PPP1CB: variants seen among roughly 807,000 people sequenced by gnomAD.
The protein encoded by PPP1CB is serine/threonine-protein phosphatase PP1-beta catalytic subunit.
In PPP1CB, 2 loss-of-function variants were observed where a neutral mutation model predicts 43.7. The ratio of observed to expected loss-of-function variants is 0.05; its 90% CI spans 0.02 to 0.14. The LOEUF is 0.14. Ranked by LOEUF, PPP1CB falls within the 10% of genes least tolerant of loss-of-function variation. PPP1CB has a pLI of 1.00. For missense variants in PPP1CB, 84 were observed against 398.0 expected (o/e 0.21, Z 6.71); for synonymous variants, 136 against 135.6 (o/e 1.00, Z -0.02).
At chr2:28,753,579 T>G (rs557095394) in intron 1 of PPP1CB, among the ~76,000 whole-genome samples, 1 of 152,288 alleles carries the variant, frequency 6.6e-6, no homozygotes, top group South Asian at 2.1e-4. Flanking sequence ...ACCTAAGACT[T>G]TGTTTCAGAT....
At chr2:28,788,614 T>C in intron 5 of PPP1CB, 44 bp from the exon 6 acceptor site, 1 of 1,580,692 alleles carries the variant, frequency 6.3e-7, no homozygotes, top group Non-Finnish European at 8.7e-7. Context: ...ATTCTATAAA[T>C]CTGTAAATTT....
At chr2:28,760,071 C>T (rs913206769) in intron 1 of PPP1CB, among the ~76,000 whole-genome samples, 17 of 152,044 alleles carry the variant, frequency 1.1e-4, no homozygotes, top group African/African-American at 3.4e-4. Context: ...GATGTGGAGG[C>T]GGAATATAGT....
chr2:28,759,994 A>G (rs1241501813), intron 1 of PPP1CB, among the ~76,000 whole-genome samples: 1 of 152,132 alleles, frequency 6.6e-6, no homozygotes, highest in East Asian at 1.9e-4. Flanking sequence ...TCCAGGAAAA[A>G]AAGCTTCGTT....
chr2:28,800,836 G>A lies in PPP1CB; in HGVS notation c.*1533G>A, dbSNP rs376609341. 2.6e-5 allele frequency: 4 copies of A among 152,348 alleles called. No individual in the cohort carries two copies. The highest frequency in any genetic ancestry group is 5.9e-5 in the Non-Finnish European group (4 of 67,918). 9.4% of individuals were successfully genotyped at this position (152,348 alleles called of 1,614,324 possible). ...ATGTGACATTTTTGACCTTAATATC[G>A]TCTTTGAAAATGTTAAATTGAGAAA... On this transcript the variant is annotated 3_prime_UTR_variant, in exon 8 of 8. Transcript: ENST00000395366.
At chr2:28,753,712 A>T (rs1666404798) in intron 1 of PPP1CB, among the ~76,000 whole-genome samples, 2 of 152,104 alleles carry the variant, frequency 1.3e-5, no homozygotes, top group Admixed American at 6.6e-5. Context: ...TGGGAAGTAG[A>T]GGCCTACTCC....
intron 3 of PPP1CB, among the ~76,000 whole-genome samples, chr2:28,780,554 T>G (rs1667137242): frequency 6.6e-6 from 1 of 152,128 alleles, no homozygotes; most frequent in South Asian, 2.1e-4. Flanking sequence ...ACATCAGAAA[T>G]GGAGGTATAT....
chr2:28,785,194 C>T (rs1463321730), intron 5 of PPP1CB, among the ~76,000 whole-genome samples: 2 of 149,470 alleles, frequency 1.3e-5, no homozygotes, highest in African/African-American at 2.5e-5. Context: ...TCTGCCTCAG[C>T]CTCCCGAGTA....
At chr2:28,765,576 G>A (rs1382023864) in intron 1 of PPP1CB, among the ~76,000 whole-genome samples, 6 of 152,218 alleles carry the variant, frequency 3.9e-5, no homozygotes, top group Non-Finnish European at 7.3e-5. Context: ...AATTGTGTGG[G>A]AATGAAGATC....
chr2:28,794,966 TAG>T (rs1032272074), intron 7 of PPP1CB, among the ~76,000 whole-genome samples: 8 of 152,130 alleles, frequency 5.3e-5, no homozygotes, highest in African/African-American at 1.9e-4. Context: ...GTAGTGAGCA[TAG>T]AGTTTTTCAT....
At chr2:28,752,215 G>C (rs1666316059) in intron 1 of PPP1CB, 39 bp downstream of exon 1, 2 of 1,506,514 alleles carry the variant, frequency 1.3e-6, no homozygotes, top group East Asian at 5.4e-5. Context: ...GGGAGGTCGG[G>C]CACCGCCGCC....
chr2:28,781,704 AT>A (rs771348634), intron 3 of PPP1CB, 33 bp from the exon 4 acceptor site: 61 of 1,453,194 alleles, frequency 4.2e-5, no homozygotes, highest in Non-Finnish European at 5.6e-5. Flanking sequence ...ACAGTTTTAG[AT>A]TTTTTAATTT....
intron 6 of PPP1CB, among the ~76,000 whole-genome samples, chr2:28,792,024 C>G (rs1056734356): frequency 1.3e-4 from 19 of 151,314 alleles, no homozygotes; most frequent in African/African-American, 3.6e-4. Context: ...CAGTGAAACA[C>G]GAAACCCTGT....
intron 1 of PPP1CB, among the ~76,000 whole-genome samples, chr2:28,753,607 T>C (rs1302733026): frequency 6.6e-6 from 1 of 152,266 alleles, no homozygotes; most frequent in Non-Finnish European, 1.5e-5. Context: ...TCTTGCTGGG[T>C]CTTTGAGAAA....
chr2:28,786,107 A>T (rs1349403794), intron 5 of PPP1CB, among the ~76,000 whole-genome samples: 1 of 152,092 alleles, frequency 6.6e-6, no homozygotes, highest in Non-Finnish European at 1.5e-5. Flanking sequence ...TTAAACAATA[A>T]ATCTTGACTC....
At chr2:28,775,789 G>T (rs1315918676) in intron 1 of PPP1CB, among the ~76,000 whole-genome samples, 1 of 152,114 alleles carries the variant, frequency 6.6e-6, no homozygotes, top group East Asian at 1.9e-4. Flanking sequence ...ATTACAAGTT[G>T]AGTTCAGTGG....
At chr2:28,764,003 C>T (rs1666723303) in intron 1 of PPP1CB, among the ~76,000 whole-genome samples, 1 of 151,912 alleles carries the variant, frequency 6.6e-6, no homozygotes, top group Admixed American at 6.6e-5. Context: ...GCCCGGCCCA[C>T]ATTAATTATT....
chr2:28,778,327 C>T, intron 2 of PPP1CB: 2 of 469,154 alleles, frequency 4.3e-6, no homozygotes, highest in Non-Finnish European at 8.8e-6. Flanking sequence ...ATTAATTTAC[C>T]ATCTCACAAT....
At chr2:28,789,593 A>ATTTTTT (rs70956041) in intron 6 of PPP1CB, among the ~76,000 whole-genome samples, 8 of 96,532 alleles carry the variant, frequency 8.3e-5, no homozygotes, top group East Asian at 2.4e-4. Flanking sequence ...TATGATTTAG[A>ATTTTTT]TTTTTTTTTT....
intron 1 of PPP1CB, among the ~76,000 whole-genome samples, chr2:28,774,506 A>C (rs551030838): frequency 6.6e-6 from 1 of 151,656 alleles, no homozygotes; most frequent in Non-Finnish European, 1.5e-5. Context: ...GCTCACTGCA[A>C]CCTCCACCTC....
Sources: allele counts gnomAD v4.1 joint callset (sites outside exome capture counted in the v4.1 genomes callset), GRCh38; gene constraint gnomAD v4.1.1; transcripts MANE v1.5; gene names NCBI Gene and HGNC (gene_info 2026-07-23, HGNC 2026-07-21).